Variants in A2M observed in about 807,000 individuals in gnomAD.
A2M encodes the protein alpha-2-macroglobulin, also known as C3 and PZP-like alpha-2-macroglobulin domain-containing protein 5.
Under a neutral mutation model 183.9 loss-of-function variants are expected in A2M, and 128 were observed. The ratio of observed to expected loss-of-function variants is 0.70; its 90% CI spans 0.60 to 0.81. A2M has a LOEUF of 0.81. A2M is among the 30% of genes least tolerant of loss of function. The pLI is 0.00. For missense variants in A2M, 1,495 were observed against 1,787.6 expected, an observed-to-expected ratio of 0.84 and a Z score of 2.95; for synonymous variants, 592 against 670.8, an observed-to-expected ratio of 0.88 and a Z score of 1.81.
At chr12:9,071,989 A>G (rs1225249301) in intron 31 of A2M, among the ~76,000 whole-genome samples, 2 of 152,224 alleles carry the variant, frequency 1.3e-5, no homozygotes, top group Non-Finnish European at 2.9e-5. Context: ...TAGGAATTCT[A>G]ACTAAGGAGT....
intron 19 of A2M, 106 bp from the exon 20 acceptor site, chr12:9,090,588 C>T (rs1949181061): frequency 2.5e-6 from 3 of 1,193,982 alleles, no homozygotes; most frequent in South Asian, 1.5e-5. Context: ...GGTTGCCTCA[C>T]ATTAAAGATG....
intron 32 of A2M, 28 bp downstream of exon 32, chr12:9,070,460 G>T (rs1305323899): frequency 4.8e-6 from 7 of 1,466,478 alleles, no homozygotes; most frequent in Non-Finnish European, 6.7e-6. Flanking sequence ...AAATAAAATA[G>T]GGCAGTCTGG....
At chr12:9,107,982 CA>C (rs945612407) in intron 7 of A2M, among the ~76,000 whole-genome samples, 1 of 151,362 alleles carries the variant, frequency 6.6e-6, no homozygotes, top group South Asian at 2.1e-4. Flanking sequence ...CAAAACAGAA[CA>C]AAAAAAACCC....
chr12:9,085,206 A>T (rs1394961730), intron 22 of A2M, among the ~76,000 whole-genome samples: 3 of 152,090 alleles, frequency 2.0e-5, no homozygotes, highest in African/African-American at 7.2e-5. Context: ...AGAACATTTC[A>T]TCTCAAGCAC....
At chr12:9,071,188 G>A (rs1948565896) in intron 31 of A2M, among the ~76,000 whole-genome samples, 6 of 152,042 alleles carry the variant, frequency 3.9e-5, no homozygotes, top group Admixed American at 3.9e-4. Flanking sequence ...ATCTATGCCA[G>A]TTATTTTATT....
In A2M at chr12:9,104,247, T is replaced by A. The variant is rs752888986; in HGVS notation, c.1258A>T (p.Thr420Ser). ...TTTCTTTCCAAACTTACCCTAACAG[T>A]AAGAGAGGTACCCATAACATTGGTG... ...NTTNVMGTSLTVRVNYKDRSP... is the reference protein window; with the variant it reads ...NTTNVMGTSLSVRVNYKDRSP... The change falls in exon 11 of 36, where the codon ACT becomes TCT. Residue 420 changes from threonine to serine, a missense_variant. By Grantham distance (58) the Thr-to-Ser change is moderately conservative. Transcript: ENST00000318602. The A allele has an allele frequency of 6.2e-7, 1 of 1,611,074 alleles. No individual in the cohort carries two copies. Among genetic ancestry groups the A allele is most frequent in the East Asian group, 2.2e-5 (1 of 44,786 alleles).
At chr12:9,105,003 G>T (rs1237228725) in intron 10 of A2M, among the ~76,000 whole-genome samples, 2 of 152,266 alleles carry the variant, frequency 1.3e-5, no homozygotes, top group East Asian at 3.9e-4. Flanking sequence ...AAGGTAGGCA[G>T]ATTTTATGAC....
At position 9,095,557 on chromosome 12, in the gene A2M, A is replaced by G; in HGVS notation, c.1995T>C (p.Asp665=). Residue 665 remains aspartate, a synonymous_variant, in exon 16 of 36, where the codon GAT becomes GAC. Transcript: ENST00000318602. ...YTPVSSTNEK[D]MYSFLEDMGL... The stretch of plus-strand genomic sequence containing the variant: ...AGTTTACCTCTAGGAAGCTGTACAT[A>G]TCCTTTTCATTTGTACTTGATACTG... The G allele has an allele frequency of 6.2e-7, 1 of 1,612,444 alleles. No individual in the cohort carries two copies. Among genetic ancestry groups the G allele is most frequent in the African/African-American group, 1.3e-5 (1 of 74,984 alleles).
At chr12:9,095,752 T>TGAC in intron 15 of A2M, 52 bp from the exon 16 acceptor site, 2 of 1,414,200 alleles carry the variant, frequency 1.4e-6, no homozygotes, top group Non-Finnish European at 9.3e-7. Context: ...CTTTTTTTTT[T>TGAC]TTTTTTTTTT....
chr12:9,103,376 T>A (rs994665151), intron 11 of A2M, among the ~76,000 whole-genome samples: 19 of 152,148 alleles, frequency 1.2e-4, no homozygotes, highest in Admixed American at 7.9e-4. Flanking sequence ...CTTTATCTGA[T>A]TCAGATTCTG....
chr12:9,082,555 C>T (rs943778879), intron 22 of A2M, among the ~76,000 whole-genome samples: 2 of 152,170 alleles, frequency 1.3e-5, no homozygotes, highest in Admixed American at 6.6e-5. Flanking sequence ...AAATAGCAAA[C>T]CTTTATCCCT....
chr12:9,108,392 C>T (rs1053839133), intron 7 of A2M, among the ~76,000 whole-genome samples: 1 of 152,156 alleles, frequency 6.6e-6, no homozygotes, highest in Non-Finnish European at 1.5e-5. Flanking sequence ...TCCCAAAGTG[C>T]TGGGATTACA....
At chr12:9,091,488 GAGAGA>G (rs2137796318) in intron 18 of A2M, 59 bp from the exon 19 acceptor site, 2 of 1,553,182 alleles carry the variant, frequency 1.3e-6, no homozygotes, top group Non-Finnish European at 1.8e-6. Flanking sequence ...CCTTTCTAGG[GAGAGA>G]ATCCCTAGGA....
At chr12:9,075,205 G>GA (rs373931317) in intron 28 of A2M, among the ~76,000 whole-genome samples, 56 of 149,312 alleles carry the variant, frequency 3.8e-4, no homozygotes, top group Admixed American at 1.1e-3. Context: ...TCATTAAATT[G>GA]AAAAAAAAAA....
Position 9,094,340 on chromosome 12 carries a change from CATATATATATATATATATAT to C in A2M, c.2125+613_2125+632del, listed in dbSNP as rs59647548. 5.1e-3 allele frequency among the ~76,000 whole-genome samples: 496 copies of C among 97,034 alleles called. 8 individuals carry two copies. The highest frequency in any genetic ancestry group is 0.017 in the African/African-American group (416 of 25,116). The allele number at this position is 97,034 out of a possible 152,430, so 63.7% of individuals were successfully genotyped here. On this transcript the variant is annotated intron_variant, in intron 17 of 35. Transcript: ENST00000318602. ...CAGCTCTCTGGAAAAAAAAATTGTGCATATATATATATATATATATATATATATATATATACCTATACATG... is the reference window on the plus strand; with the variant it reads ...CAGCTCTCTGGAAAAAAAAATTGTGCATATATATATATATACCTATACATG...
At chr12:9,088,900 T>C (rs763173002) in intron 22 of A2M, among the ~76,000 whole-genome samples, 29 of 152,284 alleles carry the variant, frequency 1.9e-4, no homozygotes, top group Admixed American at 6.5e-4. Flanking sequence ...AAACATCCCT[T>C]TTGGTAATAT....
chr12:9,103,505 A>G (rs1363759191), intron 11 of A2M, among the ~76,000 whole-genome samples: 1 of 152,220 alleles, frequency 6.6e-6, no homozygotes, highest in East Asian at 1.9e-4. Flanking sequence ...GTTGTGCAAC[A>G]GATCTCCAGA....
chr12:9,075,052 G>A (rs1278631553), intron 28 of A2M, among the ~76,000 whole-genome samples: 1 of 152,220 alleles, frequency 6.6e-6, no homozygotes, highest in African/African-American at 2.4e-5. Flanking sequence ...AAATGGCACA[G>A]CAGTTGTCTC....
At position 9,101,131 on chromosome 12, in the gene A2M, T is replaced by C. The variant is rs1178188053; in HGVS notation, c.1558+13A>G. ...GAATGGGGCAGCAATGCAGAGATGA[T>C]GGAAATACTCACTGTCTTCCTGCTT... On this transcript the variant is annotated intron_variant, in intron 13 of 35. Coordinates refer to ENST00000318602, the MANE Select transcript of A2M (RefSeq NM_000014.6). 8 of 1,556,238 alleles carry C rather than the reference T, an allele frequency of 5.1e-6. No individual in the cohort carries two copies. The highest frequency in any genetic ancestry group is 7.0e-6 in the Non-Finnish European group (8 of 1,149,188).
Sources: gnomAD v4.1 joint callset for allele counts (sites outside exome capture counted in the v4.1 genomes callset) on GRCh38, gnomAD v4.1.1 for gene constraint, MANE v1.5 for transcripts, NCBI Gene and HGNC (gene_info 2026-07-23, HGNC 2026-07-21) for gene names.